SPATA17: variants seen among roughly 807,000 people sequenced by gnomAD.
SPATA17 encodes spermatogenesis-associated protein 17.
In SPATA17, 53 loss-of-function variants were observed where a neutral mutation model predicts 62.2. The ratio of observed to expected loss-of-function variants is 0.85; its 90% CI spans 0.68 to 1.07. The LOEUF is 1.07. Among genes scored for constraint, SPATA17 ranks in the 50% least tolerant of loss-of-function variants. The pLI, the probability that SPATA17 is intolerant of heterozygous loss-of-function variation, is 0.00. For synonymous variants in SPATA17, 146 were observed against 146.8 expected (o/e 0.99, Z 0.04); for missense variants, 466 against 425.5 (o/e 1.10, Z -0.84).
At chr1:217,718,858 C>CAAACA (rs371212993) in intron 5 of SPATA17, among the ~76,000 whole-genome samples, 83 of 152,064 alleles carry the variant, frequency 5.5e-4, no homozygotes, top group East Asian at 2.3e-3. Context: ...AACAAACAAA[C>CAAACA]AAACAAAACA....
chr1:217,759,558 A>G (rs1673123905), intron 6 of SPATA17, among the ~76,000 whole-genome samples: 1 of 152,200 alleles, frequency 6.6e-6, no homozygotes. Flanking sequence ...ACAAAGGAAT[A>G]CTAAAATGCT....
intron 7 of SPATA17, among the ~76,000 whole-genome samples, chr1:217,776,076 T>C (rs189723106): frequency 1.0e-3 from 155 of 152,294 alleles, no homozygotes; most frequent in African/African-American, 3.4e-3. Context: ...GTTTGAGTAA[T>C]TTTACAAATG....
At chr1:217,731,088 A>G (rs1036946019) in intron 5 of SPATA17, among the ~76,000 whole-genome samples, 6 of 152,026 alleles carry the variant, frequency 3.9e-5, no homozygotes, top group Admixed American at 3.3e-4. Flanking sequence ...ATTCTCTGAT[A>G]CCACTTTCTC....
chr1:217,758,674 T>G (rs1673103995), intron 6 of SPATA17, among the ~76,000 whole-genome samples: 1 of 152,170 alleles, frequency 6.6e-6, no homozygotes, highest in South Asian at 2.1e-4. Context: ...GTTAGAGCCT[T>G]GCGTGATTAA....
chr1:217,837,520 A>G (rs901293450), intron 9 of SPATA17, among the ~76,000 whole-genome samples: 13 of 152,120 alleles, frequency 8.5e-5, no homozygotes, highest in East Asian at 1.9e-4. Flanking sequence ...CAATATAACC[A>G]TACTGTTGCA....
At chr1:217,651,617 T>G (rs1318485863) in intron 3 of SPATA17, among the ~76,000 whole-genome samples, 2 of 152,220 alleles carry the variant, frequency 1.3e-5, no homozygotes, top group African/African-American at 4.8e-5. Flanking sequence ...AGGCTTCTTT[T>G]GTCTTCTCTT....
intron 9 of SPATA17, among the ~76,000 whole-genome samples, chr1:217,811,744 A>G (rs1436601306): frequency 1.3e-5 from 2 of 152,012 alleles, no homozygotes; most frequent in Admixed American, 6.6e-5. Context: ...CATAATCTGT[A>G]CAATACATAG....
At chr1:217,638,079 C>T (rs945710968) in intron 1 of SPATA17, among the ~76,000 whole-genome samples, 1 of 151,998 alleles carries the variant, frequency 6.6e-6, no homozygotes, top group East Asian at 1.9e-4. Context: ...GTATAAAATA[C>T]ATATGATCGA....
At chr1:217,793,123 T>C (rs1030430027) in intron 8 of SPATA17, among the ~76,000 whole-genome samples, 1 of 152,094 alleles carries the variant, frequency 6.6e-6, no homozygotes, top group Non-Finnish European at 1.5e-5. Flanking sequence ...GAGGTGATAG[T>C]TAAAACCTTG....
intron 6 of SPATA17, among the ~76,000 whole-genome samples, chr1:217,755,203 G>A (rs997743619): frequency 6.6e-6 from 1 of 151,986 alleles, no homozygotes; most frequent in African/African-American, 2.4e-5. Flanking sequence ...ATGATTTTAA[G>A]TATTTTAGTC....
chr1:217,660,471 A>C (rs1670541761), intron 3 of SPATA17, among the ~76,000 whole-genome samples: 1 of 152,238 alleles, frequency 6.6e-6, no homozygotes, highest in South Asian at 2.1e-4. Flanking sequence ...TGACCAATGT[A>C]GATGATGATT....
rs532950777 is a variant in SPATA17, at chr1:217,805,290, T to TA, written c.1005+3441dup. ...GAAATGTTAGGCACAGAAATACAAA[T>TA]ACTGCATGGTCTCATTTATATGTGA... On this transcript the variant is annotated intron_variant, in intron 9 of 10. Transcript: ENST00000366933. 2.6e-5 allele frequency among the ~76,000 whole-genome samples: 4 copies of TA among 152,230 alleles called. No individual in the cohort carries two copies. In the South Asian group the frequency reaches 6.2e-4, roughly 24 times the overall value.
At chr1:217,771,811 C>T (rs778306399) in intron 6 of SPATA17, among the ~76,000 whole-genome samples, 3 of 151,236 alleles carry the variant, frequency 2.0e-5, no homozygotes, top group Non-Finnish European at 4.4e-5. Flanking sequence ...TTTGCATTTC[C>T]CATCTAGCCT....
At chr1:217,821,000 G>T (rs1427295206) in intron 9 of SPATA17, among the ~76,000 whole-genome samples, 1 of 151,988 alleles carries the variant, frequency 6.6e-6, no homozygotes, top group African/African-American at 2.4e-5. Context: ...GTGCAAAGAG[G>T]GACCAAGCTT....
chr1:217,809,073 G>A (rs1169406875), intron 9 of SPATA17, among the ~76,000 whole-genome samples: 3 of 151,944 alleles, frequency 2.0e-5, no homozygotes, highest in Non-Finnish European at 4.4e-5. Flanking sequence ...ACGTTAGACC[G>A]AAAAGAAAAA....
In SPATA17 at chr1:217,747,165, A is replaced by C. The variant is rs571428585; in HGVS notation, c.519+5067A>C. Among the ~76,000 whole-genome samples, 6 of 152,234 alleles carry C rather than the reference A, an allele frequency of 3.9e-5. No homozygotes were observed. In the South Asian group the frequency reaches 6.2e-4, roughly 16 times the overall value. ...ATGCAAATATTGCTTCCATTTGTAA[A>C]TTTAATTTATCTTTCTCTAAAGATT... On this transcript the variant is annotated intron_variant, in intron 6 of 10. Transcript: ENST00000366933.
At chr1:217,763,313 G>A (rs375132667) in intron 6 of SPATA17, among the ~76,000 whole-genome samples, 1 of 152,114 alleles carries the variant, frequency 6.6e-6, no homozygotes. Flanking sequence ...ATGTGTGTGG[G>A]TCATGAAAAG....
chr1:217,650,238 A>G (rs1670279699), intron 2 of SPATA17, among the ~76,000 whole-genome samples: 1 of 150,730 alleles, frequency 6.6e-6, no homozygotes, highest in African/African-American at 2.4e-5. Flanking sequence ...GGCGCCTGGA[A>G]GACAAGACTT....
chr1:217,768,771 C>T (rs1046648478), intron 6 of SPATA17, among the ~76,000 whole-genome samples: 3 of 152,056 alleles, frequency 2.0e-5, no homozygotes, highest in Admixed American at 1.3e-4. Flanking sequence ...GGATTACAGA[C>T]GTGAGCCACC....
Sources: allele counts gnomAD v4.1 joint callset (sites outside exome capture counted in the v4.1 genomes callset), GRCh38; gene constraint gnomAD v4.1.1; transcripts MANE v1.5; gene names NCBI Gene and HGNC (gene_info 2026-07-23, HGNC 2026-07-21).